RELN: variants seen among roughly 807,000 people sequenced by gnomAD.
RELN encodes reelin.
A neutral mutation model predicts 427.6 loss-of-function variants in RELN; 108 were observed. The ratio of observed to expected loss-of-function variants is 0.25; its 90% confidence interval spans 0.22 to 0.30. RELN has a LOEUF of 0.30. Ranked by LOEUF, RELN falls within the 10% of genes least tolerant of loss-of-function variation. The pLI, the probability that RELN is intolerant of heterozygous loss-of-function variation, is 1.00. For synonymous variants in RELN, 1,524 were observed against 1,513.4 expected (o/e 1.01, Z -0.16); for missense variants, 3,715 against 4,302.8 (o/e 0.86, Z 3.82).
chr7:103,609,473 C>T (rs1051816583), intron 22 of RELN, among the ~76,000 whole-genome samples: 1 of 152,020 alleles, frequency 6.6e-6, no homozygotes, highest in Non-Finnish European at 1.5e-5. Flanking sequence ...ATATTCCCAG[C>T]AGTAGACATA....
intron 12 of RELN, among the ~76,000 whole-genome samples, chr7:103,654,981 A>C (rs546013980): frequency 2.0e-5 from 3 of 151,944 alleles, no homozygotes; most frequent in Non-Finnish European, 4.4e-5. Flanking sequence ...TCTTTTTAAA[A>C]TATTTTATTT....
chr7:103,737,359 T>C lies in RELN; in HGVS notation c.657-9152A>G, dbSNP rs185483077. Among the ~76,000 whole-genome samples the C allele has an allele frequency of 1.6e-3, 246 of 152,344 alleles. 3 individuals carry two copies. Among genetic ancestry groups the C allele is most frequent in the Middle Eastern group, 0.014 (4 of 294 alleles). On this transcript the variant is annotated intron_variant, in intron 6 of 64. Coordinates refer to ENST00000428762, the MANE Select transcript of RELN (RefSeq NM_005045.4). Reference sequence around the variant, plus strand: ...TTTTATTATCCAATTTATTTCTCAGTTGTTTGTTCATCAGTCTTACTTCTT... The same window carrying C: ...TTTTATTATCCAATTTATTTCTCAGCTGTTTGTTCATCAGTCTTACTTCTT...
chr7:103,838,894 T>G (rs1793480744), intron 2 of RELN, among the ~76,000 whole-genome samples: 1 of 152,206 alleles, frequency 6.6e-6, no homozygotes, highest in African/African-American at 2.4e-5. Flanking sequence ...TAGAACAATA[T>G]TCTTGCAATC....
At position 103,877,808 on chromosome 7, in the gene RELN, G is replaced by A. The variant is rs572680543; in HGVS notation, c.337+39267C>T. ...CCTCCAGGCCCTCCCTTCTTCCTTCGTCCTTCCTCCTCCTCCTTCTTCTTC... is the reference window on the plus strand; with the variant it reads ...CCTCCAGGCCCTCCCTTCTTCCTTCATCCTTCCTCCTCCTCCTTCTTCTTC... On this transcript the variant is annotated intron_variant, in intron 2 of 64. Transcript: ENST00000428762. Among the ~76,000 whole-genome samples, 51 of 147,266 alleles carry A rather than the reference G, an allele frequency of 3.5e-4. No individual in the cohort carries two copies. In the East Asian group the frequency reaches 7.8e-3, roughly 23 times the overall value.
intron 6 of RELN, among the ~76,000 whole-genome samples, chr7:103,741,913 G>A (rs796543044): frequency 6.6e-6 from 1 of 152,172 alleles, no homozygotes. Flanking sequence ...GCTTTGAAGA[G>A]AGTAGTGGTT....
intron 14 of RELN, 42 bp from the exon 15 acceptor site, chr7:103,651,831 T>C (rs2117389542): frequency 1.2e-6 from 2 of 1,601,450 alleles, no homozygotes; most frequent in East Asian, 4.5e-5. Context: ...GTGGGGAGGG[T>C]AAAGATAACA....
At chr7:103,678,504 A>G (rs1463241439) in intron 11 of RELN, among the ~76,000 whole-genome samples, 1 of 152,228 alleles carries the variant, frequency 6.6e-6, no homozygotes, top group Non-Finnish European at 1.5e-5. Flanking sequence ...AGTGATGTGA[A>G]AGGCACACAG....
At chr7:103,522,830 G>GACACACACACACACAGACAC (rs1554369873) in intron 47 of RELN, among the ~76,000 whole-genome samples, 2 of 4,036 alleles carry the variant, frequency 5.0e-4, no homozygotes, top group Non-Finnish European at 9.6e-4. Context: ...ATCTCACACA[G>GACACACACACACACAGACAC]ACACACAGAC....
intron 3 of RELN, among the ~76,000 whole-genome samples, chr7:103,818,563 ATT>A (rs764437466): frequency 9.2e-5 from 14 of 152,178 alleles, no homozygotes; most frequent in Non-Finnish European, 1.8e-4. Context: ...TTAGCTTTTA[ATT>A]TTATCAGGTT....
At position 103,749,186 on chromosome 7, in the gene RELN, G is replaced by GA. The variant is rs145212476; in HGVS notation, c.656+239dup. 0.032 allele frequency among the ~76,000 whole-genome samples: 4,830 copies of GA among 148,882 alleles called. 264 individuals are homozygous for GA. The highest frequency in any genetic ancestry group is 0.11 in the African/African-American group (4,552 of 40,786). On this transcript the variant is annotated intron_variant, in intron 6 of 64. Transcript: ENST00000428762. ...TTCTATGTAAGGATATTGCAAAACTGAAAAAAAAAATCTAACCACACTCAT... is the reference window on the plus strand; with the variant it reads ...TTCTATGTAAGGATATTGCAAAACTGAAAAAAAAAAATCTAACCACACTCAT...
At chr7:103,856,272 A>C (rs1793941606) in intron 2 of RELN, among the ~76,000 whole-genome samples, 1 of 152,072 alleles carries the variant, frequency 6.6e-6, no homozygotes, top group South Asian at 2.1e-4. Context: ...GTGGGAGGGA[A>C]ATTTACATCA....
chr7:103,763,823 T>TG (rs1164296411), intron 4 of RELN, among the ~76,000 whole-genome samples: 3 of 151,842 alleles, frequency 2.0e-5, no homozygotes, highest in East Asian at 3.9e-4. Flanking sequence ...CAGGCTGAAC[T>TG]GGGGGGAAAC....
intron 19 of RELN, 35 bp downstream of exon 19, chr7:103,635,390 T>C (rs747125236): frequency 9.3e-6 from 15 of 1,609,198 alleles, no homozygotes; most frequent in Middle Eastern, 3.4e-4. Flanking sequence ...AAGATTTCAC[T>C]CTACAACCAT....
In RELN at chr7:103,755,869, A is replaced by G. The variant is rs1159793726; in HGVS notation, c.545-2655T>C. On this transcript the variant is annotated intron_variant, in intron 4 of 64. Coordinates refer to ENST00000428762, the MANE Select transcript of RELN (RefSeq NM_005045.4). ...GTTTACCATGCCTAACGTTAGCTAT[A>G]TTGCAAAAGGGATTCTCTGTATTCA... 2.0e-5 allele frequency among the ~76,000 whole-genome samples: 3 copies of G among 150,802 alleles called. No individual in the cohort carries two copies. In the East Asian group the frequency reaches 5.8e-4, roughly 29 times the overall value.
At chr7:103,643,737 A>T (rs1385277401) in intron 16 of RELN, among the ~76,000 whole-genome samples, 2 of 151,976 alleles carry the variant, frequency 1.3e-5, no homozygotes, top group South Asian at 4.1e-4. Flanking sequence ...TTGGGATCCT[A>T]TTTTTAGGTT....
intron 3 of RELN, among the ~76,000 whole-genome samples, chr7:103,829,888 A>G (rs1793234495): frequency 6.6e-6 from 1 of 152,088 alleles, no homozygotes; most frequent in Non-Finnish European, 1.5e-5. Context: ...TAGGGTTTCA[A>G]AAATCACAGA....
At chr7:103,914,718 A>G (rs1795446408) in intron 2 of RELN, among the ~76,000 whole-genome samples, 1 of 152,088 alleles carries the variant, frequency 6.6e-6, no homozygotes. Context: ...GAGGCACATA[A>G]CTAAGAGATG....
chr7:103,986,559 T>C (rs1797101050), intron 1 of RELN, among the ~76,000 whole-genome samples: 2 of 149,726 alleles, frequency 1.3e-5, no homozygotes, highest in Non-Finnish European at 2.9e-5. Flanking sequence ...GGCAGCTGAC[T>C]GATCTACAGA....
chr7:103,708,685 G>A (rs1313235527), intron 8 of RELN, among the ~76,000 whole-genome samples: 9 of 151,802 alleles, frequency 5.9e-5, no homozygotes, highest in African/African-American at 7.3e-5. Context: ...AGATGGTCTC[G>A]ATCTCCTGAC....
Sources: allele counts gnomAD v4.1 joint callset (sites outside exome capture counted in the v4.1 genomes callset), GRCh38; gene constraint gnomAD v4.1.1; transcripts MANE v1.5; gene names NCBI Gene and HGNC (gene_info 2026-07-23, HGNC 2026-07-21).